RBFOX1: variants seen among roughly 807,000 people sequenced by gnomAD.
The protein encoded by RBFOX1 is RNA binding fox-1 homolog 1.
RBFOX1 carries 8 observed loss-of-function variants against 57.7 expected under a neutral mutation model. The observed-to-expected ratio is 0.14, with a 90% CI of 0.08 to 0.25. The LOEUF (loss-of-function observed/expected upper bound fraction) is 0.25, where lower values mean the gene tolerates loss of function less well. RBFOX1 is among the 10% of genes least tolerant of loss of function. RBFOX1 has a pLI of 1.00. For missense variants in RBFOX1, 611 were observed against 548.5 expected, an observed-to-expected ratio of 1.11 and a Z score of -1.14; for synonymous variants, 326 against 222.4, an observed-to-expected ratio of 1.47 and a Z score of -4.15.
rs74321623 is a variant in RBFOX1, at chr16:6,569,966, G to A, written c.-63-84637G>A. ...AAAATTCATTTTGGTGCAGCCTGCC[G>A]GTAATTTGTTTGAGAAGAAGTCGTT... On this transcript the variant is annotated intron_variant, in intron 2 of 15. Transcript: ENST00000550418. Among the ~76,000 whole-genome samples, 8 of 152,222 alleles carry A rather than the reference G, an allele frequency of 5.3e-5. 1 individual carries two copies. In the East Asian group the frequency reaches 7.7e-4, roughly 15 times the overall value.
At chr16:7,480,641 C>T (rs974010928) in intron 4 of RBFOX1, among the ~76,000 whole-genome samples, 8 of 152,096 alleles carry the variant, frequency 5.3e-5, no homozygotes, top group Admixed American at 6.5e-5. Context: ...GCCTTGGTGC[C>T]GCATGAGCAA....
At chr16:5,912,948 G>A (rs1259929635) in intron 4 of RBFOX1, among the ~76,000 whole-genome samples, 2 of 152,152 alleles carry the variant, frequency 1.3e-5, no homozygotes, top group African/African-American at 4.8e-5. Flanking sequence ...TGACCTGGTG[G>A]GGTGGCCAGC....
chr16:7,375,994 G>A (rs1045409386), intron 4 of RBFOX1, among the ~76,000 whole-genome samples: 4 of 152,164 alleles, frequency 2.6e-5, no homozygotes, highest in African/African-American at 9.7e-5. Flanking sequence ...TATCCCACAA[G>A]CCAGGGAATG....
chr16:6,649,416 A>G (rs542491148), intron 2 of RBFOX1, among the ~76,000 whole-genome samples: 44 of 152,290 alleles, frequency 2.9e-4, no homozygotes, highest in Admixed American at 1.3e-4. Context: ...GTTTGATTAC[A>G]TGAACAAGTT....
In RBFOX1 at chr16:5,867,309, G is replaced by C. The variant is rs954294759; in HGVS notation, c.325G>C (p.Ala109Pro). ...TTTTTTGTTTAACTTGCAGGTTTCG[G>C]CAAGTCAGGCTACAGGCAAAGCTGA... The change falls in exon 4 of 20, where the codon GCA becomes CCA. Residue 109 changes from alanine (A) to proline (P), a missense_variant. Physicochemically the swap from Ala to Pro is conservative, Grantham distance 27 (BLOSUM62 -1). Coordinates refer to the RBFOX1 transcript ENST00000641259. 5.8e-6 allele frequency: 7 copies of C among 1,209,782 alleles called. No individual in the cohort carries two copies. In the African/African-American group the frequency reaches 1.1e-4, roughly 19 times the overall value. The allele number at this position is 1,209,782 out of a possible 1,614,324, so 74.9% of individuals were successfully genotyped here.
intron 3 of RBFOX1, among the ~76,000 whole-genome samples, chr16:6,894,934 A>C (rs1338351913): frequency 6.6e-6 from 1 of 152,146 alleles, no homozygotes; most frequent in Non-Finnish European, 1.5e-5. Context: ...ACTGTCTCCA[A>C]ATGTTTTCTA....
chr16:6,857,819 G>T (rs778462704), intron 3 of RBFOX1, among the ~76,000 whole-genome samples: 105 of 152,228 alleles, frequency 6.9e-4, no homozygotes, highest in Non-Finnish European at 1.2e-3. Flanking sequence ...GCCTGTTTTG[G>T]TAATTAATTA....
intron 3 of RBFOX1, among the ~76,000 whole-genome samples, chr16:6,887,576 C>T (rs113834196): frequency 3.3e-4 from 50 of 150,854 alleles, no homozygotes; most frequent in Non-Finnish European, 6.4e-4. Context: ...TTTTTCCTTT[C>T]GAATTCTGCC....
At chr16:7,264,211 C>G (rs945044496) in intron 4 of RBFOX1, among the ~76,000 whole-genome samples, 1 of 151,948 alleles carries the variant, frequency 6.6e-6, no homozygotes, top group African/African-American at 2.4e-5. Context: ...TGTGTTCCTT[C>G]AAAAAGACAA....
chr16:5,648,121 G>C (rs1364367648), intron 3 of RBFOX1, among the ~76,000 whole-genome samples: 1 of 152,126 alleles, frequency 6.6e-6, no homozygotes, highest in African/African-American at 2.4e-5. Context: ...CTACCTCCCA[G>C]AGTGCTGGGA....
chr16:6,330,294 C>T (rs2082859628), intron 2 of RBFOX1, among the ~76,000 whole-genome samples: 1 of 152,164 alleles, frequency 6.6e-6, no homozygotes, highest in South Asian at 2.1e-4. Context: ...AGCTCCTTTC[C>T]TAAGGCTGAC....
At chr16:6,145,668 G>A (rs1396490582) in intron 1 of RBFOX1, among the ~76,000 whole-genome samples, 2 of 152,116 alleles carry the variant, frequency 1.3e-5, no homozygotes, top group Non-Finnish European at 2.9e-5. Context: ...CTGAAAGAGG[G>A]AGTCTCTTGT....
At chr16:7,086,059 A>G (rs74008722) in intron 4 of RBFOX1, among the ~76,000 whole-genome samples, 3,278 of 152,138 alleles carry the variant, frequency 0.022, 115 homozygotes, top group African/African-American at 0.072. Flanking sequence ...TGTCTCCATC[A>G]CTGCTTGTTT....
At chr16:6,734,491 T>G (rs12930040) in intron 3 of RBFOX1, among the ~76,000 whole-genome samples, 43,044 of 152,078 alleles carry the variant, frequency 0.28, 6,915 homozygotes, top group East Asian at 0.56. Context: ...GATGAGGACA[T>G]GGGTCCAGGA....
intron 4 of RBFOX1, among the ~76,000 whole-genome samples, chr16:7,282,894 C>G (rs1290521791): frequency 6.6e-6 from 1 of 152,172 alleles, no homozygotes; most frequent in Non-Finnish European, 1.5e-5. Context: ...ATCCAGGTTG[C>G]TGCAACTGCG....
At chr16:6,990,822 G>A (rs1268075636) in intron 3 of RBFOX1, among the ~76,000 whole-genome samples, 2 of 152,092 alleles carry the variant, frequency 1.3e-5, no homozygotes, top group African/African-American at 2.4e-5. Context: ...ATACATATCA[G>A]TGAGTGCTGA....
chr16:6,686,283 G>A (rs1292426300), intron 3 of RBFOX1, among the ~76,000 whole-genome samples: 5 of 152,156 alleles, frequency 3.3e-5, no homozygotes, highest in South Asian at 2.1e-4. Flanking sequence ...AATCGAAGGC[G>A]TCTTTCTTCA....
intron 3 of RBFOX1, among the ~76,000 whole-genome samples, chr16:6,958,010 A>C (rs1052687318): frequency 2.0e-5 from 3 of 152,044 alleles, no homozygotes; most frequent in African/African-American, 7.2e-5. Context: ...GGAAGGGACT[A>C]CTCAGGGGTG....
intron 4 of RBFOX1, among the ~76,000 whole-genome samples, chr16:7,440,596 A>C (rs2098758321): frequency 6.6e-6 from 1 of 152,116 alleles, no homozygotes; most frequent in African/African-American, 2.4e-5. Flanking sequence ...TCATACTTTT[A>C]ATCTGGAGAG....
Sources: allele counts gnomAD v4.1 joint callset (sites outside exome capture counted in the v4.1 genomes callset), GRCh38; gene constraint gnomAD v4.1.1; transcripts MANE v1.5; gene names NCBI Gene and HGNC (gene_info 2026-07-23, HGNC 2026-07-21).